Variants in STARD8 observed in about 807,000 individuals in gnomAD.
STARD8 encodes StAR related lipid transfer domain containing 8, also known as stAR-related lipid transfer protein 8.
A neutral mutation model predicts 69.4 loss-of-function variants in STARD8; 25 were observed. That is an observed-to-expected ratio of 0.36 (90% CI 0.26 to 0.50). The LOEUF is 0.50. STARD8 is among the 20% of genes least tolerant of loss of function. The pLI is 0.96. For synonymous variants in STARD8, 389 were observed against 374.6 expected, an observed-to-expected ratio of 1.04 and a Z score of -0.45; for missense variants, 921 against 932.5, an observed-to-expected ratio of 0.99 and a Z score of 0.16.
rs1487511303 is a variant in STARD8, at chrX:68,718,623, C to G, written c.1709C>G (p.Pro570Arg). 8.4e-7 allele frequency: 1 copy of G among 1,192,073 alleles called. No homozygotes were observed. Among genetic ancestry groups the G allele is most frequent in the Non-Finnish European group, 1.1e-6 (1 of 885,426 alleles). The stretch of plus-strand genomic sequence containing the variant: ...GGTGTTGGGGCCTCACTTACCAGAC[C>G]CTGCAGGTGAGAGTTTGGGTTGGGA... ...DSGVGASLTR[P>R]CRKLRWHSFQ... The change falls in exon 6 of 15, where the codon CCC (proline) becomes CGC (arginine). Residue 570 changes from proline (P) to arginine (R), a missense_variant. Transcript: ENST00000374599.
chrX:68,660,891 C>T (rs1054552181), intron 1 of STARD8, among the ~76,000 whole-genome samples: 4 of 111,939 alleles, frequency 3.6e-5, no homozygotes, highest in African/African-American at 9.8e-5. Flanking sequence ...GGCCTGGGGG[C>T]GGTGAGAGCC....
At chrX:68,689,417 C>CG (rs1225670125) in intron 2 of STARD8, among the ~76,000 whole-genome samples, 2 of 111,906 alleles carry the variant, frequency 1.8e-5, no homozygotes, top group Non-Finnish European at 3.8e-5. Flanking sequence ...TGTCATGGCC[C>CG]GGGGGGTCTA....
At chrX:68,665,681 G>A (rs2079679138) in intron 2 of STARD8, 149 bp downstream of exon 2, 1 of 586,677 alleles carries the variant, frequency 1.7e-6, no homozygotes, top group African/African-American at 2.3e-5. Context: ...TCCCTCCACT[G>A]GGCATTTGCT....
intron 2 of STARD8, among the ~76,000 whole-genome samples, chrX:68,668,483 C>G (rs937357898): frequency 2.7e-5 from 3 of 109,263 alleles, no homozygotes; most frequent in African/African-American, 6.7e-5. Flanking sequence ...TGCATCGCCA[C>G]GCCCAGCTCA....
intron 1 of STARD8, among the ~76,000 whole-genome samples, chrX:68,649,343 C>T (rs1176565754): frequency 9.1e-6 from 1 of 109,937 alleles, no homozygotes; most frequent in African/African-American, 3.3e-5. Flanking sequence ...CGTGATGTGG[C>T]TCAAATGTAG....
chrX:68,661,388 G>A (rs1005862797), intron 1 of STARD8, among the ~76,000 whole-genome samples: 4 of 111,886 alleles, frequency 3.6e-5, no homozygotes, highest in Non-Finnish European at 7.5e-5. Context: ...CTCTTTCAAC[G>A]TGTTTCCCTT....
At chrX:68,662,329 C>G (rs999644628) in intron 1 of STARD8, among the ~76,000 whole-genome samples, 1 of 111,095 alleles carries the variant, frequency 9.0e-6, no homozygotes, top group African/African-American at 3.3e-5. Context: ...TTTGCCTAGG[C>G]CCCCCATTCC....
intron 2 of STARD8, chrX:68,693,815 C>T: frequency 1.3e-6 from 1 of 755,077 alleles, no homozygotes; most frequent in Non-Finnish European, 1.6e-6. Flanking sequence ...AAGGGGTGGA[C>T]GCGGCCTCCA....
chrX:68,671,649 T>A (rs190013507), intron 2 of STARD8, among the ~76,000 whole-genome samples: 162 of 112,724 alleles, frequency 1.4e-3, no homozygotes, highest in African/African-American at 4.8e-3. Context: ...AGAGCCCCAC[T>A]GGCTCCAGAT....
chrX:68,725,576 ATATGTGTG>A lies in STARD8; in HGVS notation c.*1156_*1163del, dbSNP rs1481573615. ...AGCTAATATATATATATATATATAT[ATATGTGTG>A]TGTGTGTGTGTGTGTATATGTGTTT... On this transcript the variant is annotated 3_prime_UTR_variant, in exon 15 of 15. Transcript: ENST00000374599. 1 of 104,460 alleles carries A rather than the reference ATATGTGTG, an allele frequency of 9.6e-6. No individual in the cohort carries two copies. The highest frequency in any genetic ancestry group is 3.6e-5 in the African/African-American group (1 of 27,550). The allele number at this position is 104,460 out of a possible 1,213,427, so 8.6% of individuals were successfully genotyped here.
chrX:68,675,059 C>T (rs78366585), intron 2 of STARD8, among the ~76,000 whole-genome samples: 5 of 108,459 alleles, frequency 4.6e-5, no homozygotes, highest in Middle Eastern at 4.7e-3. Flanking sequence ...CGGGTTCAAG[C>T]GATTCTCCTG....
At chrX:68,709,075 T>C (rs1338467444) in intron 2 of STARD8, among the ~76,000 whole-genome samples, 4 of 112,000 alleles carry the variant, frequency 3.6e-5, no homozygotes, top group Non-Finnish European at 7.5e-5. Flanking sequence ...CTGATCCATC[T>C]GGGAGGGAGC....
At chrX:68,648,545 G>C (rs981117814) in intron 1 of STARD8, among the ~76,000 whole-genome samples, 1 of 111,588 alleles carries the variant, frequency 9.0e-6, no homozygotes, top group Admixed American at 9.5e-5. Context: ...AGGATCACTT[G>C]AGGCCAGGGG....
intron 1 of STARD8, among the ~76,000 whole-genome samples, chrX:68,659,686 C>T (rs2079632498): frequency 8.9e-6 from 1 of 111,814 alleles, no homozygotes; most frequent in Non-Finnish European, 1.9e-5. Context: ...ATCCAGAGAA[C>T]CCCTGGGGGT....
At chrX:68,709,561 A>G (rs1250488407) in intron 2 of STARD8, among the ~76,000 whole-genome samples, 1 of 111,730 alleles carries the variant, frequency 9.0e-6, no homozygotes, top group Admixed American at 9.5e-5. Context: ...TAATCCTAGC[A>G]CTTTGGGAGG....
intron 4 of STARD8, 72 bp downstream of exon 4, chrX:68,715,447 C>T: frequency 1.1e-6 from 1 of 906,226 alleles, no homozygotes; most frequent in Non-Finnish European, 1.5e-6. Context: ...AAAAAACATC[C>T]CTTGTACCCT....
intron 1 of STARD8, among the ~76,000 whole-genome samples, chrX:68,661,874 TTC>T (rs1491004729): frequency 3.3e-5 from 3 of 92,065 alleles, no homozygotes; most frequent in African/African-American, 1.4e-4. Context: ...CCTTCTTTCT[TTC>T]TTTTCCTTCC....
At chrX:68,680,429 C>T (rs1407738761) in intron 2 of STARD8, among the ~76,000 whole-genome samples, 2 of 112,141 alleles carry the variant, frequency 1.8e-5, no homozygotes, top group East Asian at 2.8e-4. Context: ...GCCTAGAATC[C>T]GAGGGGGACA....
At chrX:68,674,540 CAG>C (rs2079751847) in intron 2 of STARD8, among the ~76,000 whole-genome samples, 1 of 111,009 alleles carries the variant, frequency 9.0e-6, no homozygotes, top group African/African-American at 3.3e-5. Flanking sequence ...ACATCTGAAA[CAG>C]AGCCAGCCAC....
Sources: gnomAD v4.1 joint callset for allele counts (sites outside exome capture counted in the v4.1 genomes callset) on GRCh38, gnomAD v4.1.1 for gene constraint, MANE v1.5 for transcripts, NCBI Gene and HGNC (gene_info 2026-07-23, HGNC 2026-07-21) for gene names.